PPP1R12B: variants seen among roughly 807,000 people sequenced by gnomAD.
The protein encoded by PPP1R12B is myosin phosphatase target subunit 2.
PPP1R12B carries 76 observed loss-of-function variants against 126.1 expected under a neutral mutation model. The ratio of observed to expected loss-of-function variants is 0.60; its 90% CI spans 0.50 to 0.73. PPP1R12B has a LOEUF of 0.73. Ranked by LOEUF, PPP1R12B falls within the 30% of genes least tolerant of loss-of-function variation. The pLI, the probability that PPP1R12B is intolerant of heterozygous loss-of-function variation, is 0.00. For missense variants in PPP1R12B, 1,052 were observed against 1,205.1 expected, an observed-to-expected ratio of 0.87 and a Z score of 1.88; for synonymous variants, 356 against 434.7, an observed-to-expected ratio of 0.82 and a Z score of 2.25.
In PPP1R12B at chr1:202,516,541, C is replaced by T. The variant is rs1470339310; in HGVS notation, c.2490+19719C>T. On this transcript the variant is annotated intron_variant, in intron 18 of 23. Coordinates refer to ENST00000608999, the MANE Select transcript of PPP1R12B (RefSeq NM_002481.4). ...CTCTTTGTGACTCATCTGCGTATAA[C>T]GATTTTGATGGATTTTCTGGGAATT... is the stretch of plus-strand genomic sequence containing the variant. Among the ~76,000 whole-genome samples the T allele has an allele frequency of 5.3e-5, 8 of 151,870 alleles. No homozygotes were observed. In the South Asian group the frequency reaches 8.3e-4, roughly 16 times the overall value.
intron 18 of PPP1R12B, among the ~76,000 whole-genome samples, chr1:202,517,549 A>G (rs771104440): frequency 1.2e-4 from 18 of 152,214 alleles, no homozygotes; most frequent in Admixed American, 6.5e-5. Flanking sequence ...AGCTATTTCA[A>G]AATAGACAAT....
chr1:202,380,457 A>C (rs1481068187), intron 1 of PPP1R12B, among the ~76,000 whole-genome samples: 1 of 152,150 alleles, frequency 6.6e-6, no homozygotes, highest in East Asian at 1.9e-4. Flanking sequence ...TAAAGAAGAA[A>C]ATGTGTTTGA....
intron 18 of PPP1R12B, chr1:202,540,122 T>G: frequency 6.3e-7 from 1 of 1,599,202 alleles, no homozygotes; most frequent in Non-Finnish European, 8.5e-7. Context: ...TGAGTGTCTA[T>G]CTGCATCCTG....
chr1:202,514,303 A>T (rs985862169), intron 18 of PPP1R12B, among the ~76,000 whole-genome samples: 1 of 151,820 alleles, frequency 6.6e-6, no homozygotes, highest in Non-Finnish European at 1.5e-5. Context: ...TTGTAAATTT[A>T]AGTTTCTTAT....
intron 1 of PPP1R12B, among the ~76,000 whole-genome samples, chr1:202,352,126 A>T (rs567777004): frequency 9.9e-5 from 15 of 152,212 alleles, no homozygotes; most frequent in South Asian, 2.1e-4. Flanking sequence ...TTAACAAGGT[A>T]TTAATCTGAT....
At chr1:202,361,765 A>G (rs1046217559) in intron 1 of PPP1R12B, among the ~76,000 whole-genome samples, 1 of 152,208 alleles carries the variant, frequency 6.6e-6, no homozygotes. Flanking sequence ...TAAAAAAAAA[A>G]TAGTAACTTG....
chr1:202,365,839 A>G (rs1659112461), intron 1 of PPP1R12B, among the ~76,000 whole-genome samples: 1 of 151,858 alleles, frequency 6.6e-6, no homozygotes, highest in Admixed American at 6.6e-5. Flanking sequence ...AAAATACAAA[A>G]ATTAGCTGGG....
At position 202,438,897 on chromosome 1, in the gene PPP1R12B, CA is replaced by C. The variant is rs532927285; in HGVS notation, c.1458+874del. On this transcript the variant is annotated intron_variant, in intron 10 of 23. Coordinates refer to ENST00000608999, the MANE Select transcript of PPP1R12B (RefSeq NM_002481.4). The stretch of plus-strand genomic sequence containing the variant: ...CCCCCAGGGCAGGAGCCCATACATC[CA>C]CCGCACGCGGCCCTGTGCCTGGAGG... 8.6e-5 allele frequency: 128 copies of C among 1,479,836 alleles called. No individual in the cohort carries two copies. The African/African-American group carries it at 1.4e-3, about 16-fold the overall frequency. 91.7% of individuals were successfully genotyped at this position (1,479,836 alleles called of 1,614,324 possible). A position where few individuals can be genotyped will look rare whatever the true frequency, so the allele number is the denominator to read the frequency against.
intron 13 of PPP1R12B, among the ~76,000 whole-genome samples, chr1:202,450,719 A>G (rs1286354657): frequency 8.5e-5 from 13 of 152,196 alleles, no homozygotes; most frequent in Non-Finnish European, 2.9e-5. Flanking sequence ...CCACTGGTCT[A>G]TATGTCTGTT....
Position 202,566,350 on chromosome 1 carries a change from A to G in PPP1R12B, c.2758-1428A>G, listed in dbSNP as rs138621372. Among the ~76,000 whole-genome samples, 101 of 152,358 alleles carry G rather than the reference A, an allele frequency of 6.6e-4. No individual in the cohort carries two copies. In the South Asian group the frequency reaches 0.011, roughly 17 times the overall value. ...TGCCAAATACAAGTTATTGAAATTCATAAGAAATGGTGCTGCTACAAACCA... is the reference window on the plus strand; with the variant it reads ...TGCCAAATACAAGTTATTGAAATTCGTAAGAAATGGTGCTGCTACAAACCA... On this transcript the variant is annotated intron_variant, in intron 21 of 23. Transcript: ENST00000608999.
intron 13 of PPP1R12B, among the ~76,000 whole-genome samples, chr1:202,456,693 T>C (rs1429644225): frequency 6.6e-6 from 1 of 152,200 alleles, no homozygotes; most frequent in East Asian, 1.9e-4. Flanking sequence ...AGCGTCAGGG[T>C]AGGGCAGATG....
intron 18 of PPP1R12B, 75 bp downstream of exon 18, chr1:202,496,897 G>C: frequency 7.0e-7 from 1 of 1,427,370 alleles, no homozygotes; most frequent in Non-Finnish European, 9.7e-7. Context: ...GTAGAAGAAA[G>C]GGCAAGACTT....
At position 202,428,905 on chromosome 1, in the gene PPP1R12B, G is replaced by A. The variant is rs1669875088; in HGVS notation, c.897G>A (p.Glu299=). 6.2e-7 allele frequency: 1 copy of A among 1,608,200 alleles called. No individual in the cohort carries two copies. Among genetic ancestry groups the A allele is most frequent in the Non-Finnish European group, 8.5e-7 (1 of 1,177,836 alleles). ...VADEGLVEHL[E]LLQKKQNVLR... is the part of the protein sequence containing the mutation. ...ATGAGGGTCTCGTGGAGCATTTGGA[G>A]TTGCTCCAGAAGAAGCAGAATGTGG... Residue 299 remains glutamate, a synonymous_variant, in exon 6 of 24, where the codon GAG becomes GAA. Transcript: ENST00000608999.
At chr1:202,417,438 T>C (rs1283906966) in intron 2 of PPP1R12B, 1 of 981,728 alleles carries the variant, frequency 1.0e-6, no homozygotes, top group African/African-American at 1.8e-5. Context: ...ATTAGTTGAA[T>C]GGGAATATTT....
chr1:202,580,419 G>A, intron 23 of PPP1R12B, 55 bp from the exon 24 acceptor site: 1 of 1,451,374 alleles, frequency 6.9e-7, no homozygotes, highest in South Asian at 1.1e-5. Flanking sequence ...GGTCAGGGAG[G>A]GCCAAGGAGG....
chr1:202,553,820 C>G (rs763974458), intron 18 of PPP1R12B, among the ~76,000 whole-genome samples: 7 of 152,094 alleles, frequency 4.6e-5, no homozygotes, highest in Non-Finnish European at 1.0e-4. Flanking sequence ...ACCTTATGTT[C>G]TGCTTGCCTC....
At chr1:202,568,169 TACACACAC>T (rs112151278) in intron 22 of PPP1R12B, among the ~76,000 whole-genome samples, 1 of 147,358 alleles carries the variant, frequency 6.8e-6, no homozygotes, top group Admixed American at 6.8e-5. Flanking sequence ...AATCATTGCA[TACACACAC>T]ACACACACAC....
In PPP1R12B at chr1:202,456,932, A is replaced by G. The variant is rs1435493130; in HGVS notation, c.1850+7761A>G. Among the ~76,000 whole-genome samples the G allele has an allele frequency of 2.0e-5, 3 of 152,344 alleles. No homozygotes were observed. The East Asian group carries it at 5.8e-4, about 29-fold the overall frequency. On this transcript the variant is annotated intron_variant, in intron 13 of 23. Coordinates refer to ENST00000608999, the MANE Select transcript of PPP1R12B (RefSeq NM_002481.4). ...TAAAACATAAACACTGAAGGTCACC[A>G]TGAGGGAAGAGTTCTATGACAAACT...
At position 202,590,619 on chromosome 1, in the gene PPP1R12B, TA is replaced by T. The variant is rs202131300; in HGVS notation, c.*10061del. 0.019 allele frequency: 2,904 copies of T among 150,836 alleles called. 44 individuals carry two copies. The highest frequency in any genetic ancestry group is 0.027 in the Non-Finnish European group (1,850 of 67,794). 9.3% of individuals were successfully genotyped at this position (150,836 alleles called of 1,614,324 possible). A position where few individuals can be genotyped will look rare whatever the true frequency, so the allele number is the denominator to read the frequency against. ...GGTTTCTTTCAGCTCATTTCTTTAA[TA>T]AGGAGACGCAGTTCATTACAAAATA... On this transcript the variant is annotated 3_prime_UTR_variant, in exon 24 of 24. Coordinates refer to ENST00000608999, the MANE Select transcript of PPP1R12B (RefSeq NM_002481.4).
Sources: gnomAD v4.1 joint callset for allele counts (sites outside exome capture counted in the v4.1 genomes callset) on GRCh38, gnomAD v4.1.1 for gene constraint, MANE v1.5 for transcripts, NCBI Gene and HGNC (gene_info 2026-07-23, HGNC 2026-07-21) for gene names.